Variants in COMMD10 observed in about 807,000 individuals in gnomAD.
COMMD10 encodes the protein COMM domain-containing protein 10.
Under a neutral mutation model 28.9 loss-of-function variants are expected in COMMD10, and 33 were observed. The observed-to-expected ratio is 1.14, with a 90% CI of 0.87 to 1.53. COMMD10 has a LOEUF of 1.53. COMMD10 is among the 40% of genes most tolerant of loss of function. The pLI is 0.00. For missense variants in COMMD10, 310 were observed against 233.4 expected (o/e 1.33, Z -2.14); for synonymous variants, 110 against 81.7 (o/e 1.35, Z -1.87).
chr5:116,135,376 C>G (rs1580477165), intron 5 of COMMD10, among the ~76,000 whole-genome samples: 1 of 152,288 alleles, frequency 6.6e-6, no homozygotes, highest in East Asian at 1.9e-4. Flanking sequence ...GATTATATGA[C>G]TATAAAATTC....
At chr5:116,209,507 G>T (rs1222198538) in intron 5 of COMMD10, among the ~76,000 whole-genome samples, 2 of 152,072 alleles carry the variant, frequency 1.3e-5, no homozygotes, top group African/African-American at 4.8e-5. Flanking sequence ...ATCTCATTTT[G>T]TAGCAGAAAT....
At chr5:116,121,658 T>C (rs546050849) in intron 4 of COMMD10, among the ~76,000 whole-genome samples, 2 of 152,328 alleles carry the variant, frequency 1.3e-5, no homozygotes, top group East Asian at 3.9e-4. Flanking sequence ...TTCCTGACTT[T>C]TTAATGATCG....
chr5:116,208,407 C>T (rs1217196686), intron 5 of COMMD10, among the ~76,000 whole-genome samples: 1 of 152,140 alleles, frequency 6.6e-6, no homozygotes, highest in Non-Finnish European at 1.5e-5. Flanking sequence ...CTAGCCATTC[C>T]TATACATGAA....
intron 5 of COMMD10, among the ~76,000 whole-genome samples, chr5:116,212,267 A>G (rs1360881453): frequency 6.6e-6 from 1 of 152,182 alleles, no homozygotes; most frequent in East Asian, 1.9e-4. Flanking sequence ...TTGATAAGCC[A>G]GGAACTGTAT....
At chr5:116,169,770 C>T (rs1753257282) in intron 5 of COMMD10, among the ~76,000 whole-genome samples, 1 of 152,096 alleles carries the variant, frequency 6.6e-6, no homozygotes, top group African/African-American at 2.4e-5. Context: ...TAGAAAAGGC[C>T]TTCGATAAAA....
chr5:116,229,994 C>T (rs767823668), intron 5 of COMMD10, among the ~76,000 whole-genome samples: 2 of 151,782 alleles, frequency 1.3e-5, no homozygotes, highest in Non-Finnish European at 2.9e-5. Context: ...TAGCTTACTC[C>T]CTGTTAATGA....
At chr5:116,250,124 T>A (rs1246115845) in intron 5 of COMMD10, among the ~76,000 whole-genome samples, 1 of 151,890 alleles carries the variant, frequency 6.6e-6, no homozygotes, top group Non-Finnish European at 1.5e-5. Context: ...CTTTTTACTT[T>A]CAAACATCTA....
chr5:116,209,094 CTTT>C (rs1291097453), intron 5 of COMMD10, among the ~76,000 whole-genome samples: 1 of 151,860 alleles, frequency 6.6e-6, no homozygotes, highest in Non-Finnish European at 1.5e-5. Flanking sequence ...ACCCTAAAGC[CTTT>C]TAAAGCGATA....
chr5:116,172,599 A>G (rs1484298769), intron 5 of COMMD10, among the ~76,000 whole-genome samples: 2 of 152,130 alleles, frequency 1.3e-5, no homozygotes, highest in African/African-American at 2.4e-5. Context: ...CTGATACTTT[A>G]GAAAACAGAA....
rs144736357 is a variant in COMMD10 at position 116,087,536 on chromosome 5, A to G, written c.81A>G (p.Thr27=). ...KAVSLINAID[T]GRFPRLLTRI... is the part of the protein sequence containing the mutation. ...TGTCACTGATAAATGCAATAGATACAGGAAGATTTCCACGGTTGCTCACTC... is the reference window on the plus strand; with the variant it reads ...TGTCACTGATAAATGCAATAGATACGGGAAGATTTCCACGGTTGCTCACTC... Residue 27 remains threonine, a synonymous_variant, in exon 2 of 7, where the codon ACA becomes ACG. Coordinates refer to ENST00000274458, the MANE Select transcript of COMMD10 (RefSeq NM_016144.4). 14 of 1,613,014 alleles carry G rather than the reference A, an allele frequency of 8.7e-6. No homozygotes were observed. The highest frequency in any genetic ancestry group is 1.1e-5 in the Non-Finnish European group (13 of 1,178,924).
chr5:116,218,247 C>T, intron 5 of COMMD10: 2 of 748,498 alleles, frequency 2.7e-6, no homozygotes, highest in South Asian at 1.4e-5. Context: ...TCGTCCTTTA[C>T]CTTGGCTTTA....
intron 5 of COMMD10, among the ~76,000 whole-genome samples, chr5:116,231,166 T>G (rs913633742): frequency 2.0e-5 from 3 of 152,150 alleles, no homozygotes; most frequent in African/African-American, 7.2e-5. Context: ...TACATCCTAT[T>G]GGTGGTAGGT....
intron 5 of COMMD10, among the ~76,000 whole-genome samples, chr5:116,246,329 C>G (rs1248153283): frequency 6.6e-6 from 1 of 151,426 alleles, no homozygotes; most frequent in Admixed American, 6.6e-5. Context: ...TTAAAGAAAT[C>G]AGAAGTGACA....
rs1750400089 is a variant in COMMD10, at chr5:116,260,088, G to A, written c.511-31429G>A. 2.0e-5 allele frequency among the ~76,000 whole-genome samples: 3 copies of A among 151,788 alleles called. No individual in the cohort carries two copies. The South Asian group carries it at 6.2e-4, about 31-fold the overall frequency. ...TAGTAATATATTTTATATGGAATTTGAGGGGAAAGGAAAGAGGTAAATGTG... is the reference window on the plus strand; with the variant it reads ...TAGTAATATATTTTATATGGAATTTAAGGGGAAAGGAAAGAGGTAAATGTG... On this transcript the variant is annotated intron_variant, in intron 5 of 6. Transcript: ENST00000274458.
chr5:116,151,027 C>G (rs79497054), intron 5 of COMMD10, among the ~76,000 whole-genome samples: 1 of 149,786 alleles, frequency 6.7e-6, no homozygotes, highest in Non-Finnish European at 1.5e-5. Context: ...TTTTGAAATA[C>G]GTCCCATCAA....
rs141879131 is a variant in COMMD10, at chr5:116,181,190, C to G, written c.510+47012C>G. Among the ~76,000 whole-genome samples the G allele has an allele frequency of 2.8e-3, 424 of 152,046 alleles. 16 individuals are homozygous for G. In the East Asian group the frequency reaches 0.068, roughly 24 times the overall value. Reference sequence around the variant, plus strand: ...GTCTTTATTATTATTGCTGTACTTTCATTTTAATTAGAAATCTGTTTCTGT... The same window carrying G: ...GTCTTTATTATTATTGCTGTACTTTGATTTTAATTAGAAATCTGTTTCTGT... On this transcript the variant is annotated intron_variant, in intron 5 of 6. Coordinates refer to ENST00000274458, the MANE Select transcript of COMMD10 (RefSeq NM_016144.4).
intron 5 of COMMD10, among the ~76,000 whole-genome samples, chr5:116,142,705 G>A (rs536591402): frequency 1.3e-5 from 2 of 151,606 alleles, no homozygotes; most frequent in East Asian, 1.9e-4. Flanking sequence ...ATATTATAGC[G>A]CCCCCTCTTT....
At chr5:116,199,851 A>G (rs545768243) in intron 5 of COMMD10, among the ~76,000 whole-genome samples, 26 of 152,124 alleles carry the variant, frequency 1.7e-4, no homozygotes, top group Non-Finnish European at 1.9e-4. Flanking sequence ...AGTATCTGGG[A>G]TTACAGGTAT....
chr5:116,180,635 A>T (rs933749118), intron 5 of COMMD10, among the ~76,000 whole-genome samples: 2 of 152,216 alleles, frequency 1.3e-5, no homozygotes, highest in South Asian at 2.1e-4. Context: ...CTTCAATCTT[A>T]AAAGTTTATT....
Sources: gnomAD v4.1 joint callset for allele counts (sites outside exome capture counted in the v4.1 genomes callset) on GRCh38, gnomAD v4.1.1 for gene constraint, MANE v1.5 for transcripts, NCBI Gene and HGNC (gene_info 2026-07-23, HGNC 2026-07-21) for gene names.